Variants in DIAPH3 observed in about 807,000 individuals in gnomAD.
DIAPH3 encodes the protein protein diaphanous homolog 3.
A neutral mutation model predicts 144.3 loss-of-function variants in DIAPH3; 117 were observed. The observed-to-expected ratio is 0.81, with a 90% CI of 0.70 to 0.95. DIAPH3 has a LOEUF of 0.95. Among genes scored for constraint, DIAPH3 ranks in the 40% least tolerant of loss-of-function variants. The probability of loss-of-function intolerance (pLI) is 0.00; values close to 1 mark genes in which losing one functional copy is unlikely to be tolerated. For missense variants in DIAPH3, 1,421 were observed against 1,412.7 expected, an observed-to-expected ratio of 1.01 and a Z score of -0.09; for synonymous variants, 519 against 488.9, an observed-to-expected ratio of 1.06 and a Z score of -0.81.
At chr13:59,782,729 G>T (rs1398451096) in intron 25 of DIAPH3, among the ~76,000 whole-genome samples, 1 of 152,146 alleles carries the variant, frequency 6.6e-6, no homozygotes, top group Admixed American at 6.5e-5. Flanking sequence ...GTGGTACAGG[G>T]TGGTGGGCAT....
chr13:59,773,989 C>T, intron 27 of DIAPH3, 200 bp downstream of exon 27: 2 of 546,058 alleles, frequency 3.7e-6, no homozygotes, highest in Non-Finnish European at 6.5e-6. Context: ...GATAGAAGAA[C>T]CTAAGACACA....
chr13:59,724,819 T>C (rs1157883569), intron 27 of DIAPH3, among the ~76,000 whole-genome samples: 1 of 152,226 alleles, frequency 6.6e-6, no homozygotes, highest in Non-Finnish European at 1.5e-5. Context: ...AAGTACTTTG[T>C]TTACTTTAAT....
chr13:60,046,613 C>T (rs1247728503), intron 4 of DIAPH3, among the ~76,000 whole-genome samples: 1 of 152,150 alleles, frequency 6.6e-6, no homozygotes, highest in African/African-American at 2.4e-5. Flanking sequence ...CGAGCAATCC[C>T]ATTACTAGGT....
At chr13:60,009,686 G>T (rs1045839129) in intron 8 of DIAPH3, among the ~76,000 whole-genome samples, 2 of 152,278 alleles carry the variant, frequency 1.3e-5, no homozygotes, top group South Asian at 4.1e-4. Context: ...AGACTGCCAG[G>T]CTGAGGCCGA....
intron 13 of DIAPH3, among the ~76,000 whole-genome samples, chr13:59,982,919 T>C (rs2051112087): frequency 6.6e-6 from 1 of 151,530 alleles, no homozygotes. Context: ...GGAAATAATT[T>C]TAGTATTGAG....
At chr13:60,096,547 T>C (rs1251875356) in intron 3 of DIAPH3, among the ~76,000 whole-genome samples, 1 of 152,250 alleles carries the variant, frequency 6.6e-6, no homozygotes, top group Non-Finnish European at 1.5e-5. Context: ...GCATTATCTC[T>C]AGGTACGTCT....
At position 60,138,123 on chromosome 13, in the gene DIAPH3, C is replaced by T. The variant is rs150634427; in HGVS notation, c.181-5134G>A. Among the ~76,000 whole-genome samples, 785 of 152,238 alleles carry T rather than the reference C, an allele frequency of 5.2e-3. 3 individuals carry two copies. The highest frequency in any genetic ancestry group is 8.8e-3 in the Non-Finnish European group (596 of 68,006). ...CACAATTTTCATAAGCTAGATCCTC[C>T]GGACCAGCTGGTTTTTCCAGGTTTT... On this transcript the variant is annotated intron_variant, in intron 1 of 27. Coordinates refer to ENST00000400324, the MANE Select transcript of DIAPH3 (RefSeq NM_001042517.2).
At chr13:59,841,219 T>A (rs560485760) in intron 22 of DIAPH3, among the ~76,000 whole-genome samples, 1 of 152,132 alleles carries the variant, frequency 6.6e-6, no homozygotes, top group African/African-American at 2.4e-5. Context: ...ATTTCCTCTA[T>A]CATTTTTCAA....
At chr13:60,106,404 A>T (rs539271234) in intron 3 of DIAPH3, among the ~76,000 whole-genome samples, 1 of 152,304 alleles carries the variant, frequency 6.6e-6, no homozygotes, top group Non-Finnish European at 1.5e-5. Context: ...CACATCAGGC[A>T]TAGAGATATA....
intron 27 of DIAPH3, among the ~76,000 whole-genome samples, chr13:59,729,726 T>G (rs908506652): frequency 5.3e-5 from 8 of 152,048 alleles, no homozygotes; most frequent in Non-Finnish European, 1.0e-4. Context: ...TTCCTGGTTA[T>G]GTACTAGATA....
At chr13:59,917,889 C>CA (rs60792156) in intron 18 of DIAPH3, among the ~76,000 whole-genome samples, 3,404 of 18,604 alleles carry the variant, frequency 0.18, 1,085 homozygotes, top group Non-Finnish European at 0.27. Context: ...GACTCTGTCT[C>CA]AAAAAAAAAA....
At chr13:60,148,376 C>A (rs1308516189) in intron 1 of DIAPH3, among the ~76,000 whole-genome samples, 1 of 152,218 alleles carries the variant, frequency 6.6e-6, no homozygotes, top group Admixed American at 6.5e-5. Context: ...CAACTTAATT[C>A]AAATTACACA....
chr13:59,855,877 A>G (rs1257437980), intron 22 of DIAPH3, among the ~76,000 whole-genome samples: 1 of 151,968 alleles, frequency 6.6e-6, no homozygotes, highest in African/African-American at 2.4e-5. Flanking sequence ...GGAGAAATGG[A>G]AAAGAAACAT....
chr13:60,028,502 G>C (rs1393872546), intron 5 of DIAPH3, among the ~76,000 whole-genome samples: 1 of 152,094 alleles, frequency 6.6e-6, no homozygotes, highest in Non-Finnish European at 1.5e-5. Context: ...TCCTCAGTCT[G>C]TGTTTCTGCC....
intron 17 of DIAPH3, among the ~76,000 whole-genome samples, chr13:59,944,337 C>T (rs1394203719): frequency 2.0e-5 from 3 of 152,058 alleles, no homozygotes; most frequent in South Asian, 2.1e-4. Flanking sequence ...TAACAGGGGA[C>T]AAAACTGGAA....
At chr13:59,989,402 T>A (rs947461314) in intron 12 of DIAPH3, among the ~76,000 whole-genome samples, 9 of 151,822 alleles carry the variant, frequency 5.9e-5, no homozygotes, top group Admixed American at 4.6e-4. Flanking sequence ...GAAATTTTTT[T>A]AAAGAAATAT....
rs991669344 is a variant in DIAPH3, at chr13:59,692,893, C to T, written c.3320-26047G>A. Among the ~76,000 whole-genome samples the T allele has an allele frequency of 2.6e-5, 4 of 152,290 alleles. No homozygotes were observed. The East Asian group carries it at 7.7e-4, about 29-fold the overall frequency. The stretch of plus-strand genomic sequence containing the variant: ...TAAAATCTTTCTTCTGACTCCAACT[C>T]TTTCTTTAATCACAGAGCTTACATT... On this transcript the variant is annotated intron_variant, in intron 27 of 27. Transcript: ENST00000400324.
At chr13:59,819,278 C>A (rs1044394218) in intron 24 of DIAPH3, among the ~76,000 whole-genome samples, 2 of 151,884 alleles carry the variant, frequency 1.3e-5, no homozygotes, top group African/African-American at 4.8e-5. Flanking sequence ...GGTTTTCATT[C>A]CCAGGGCAGG....
chr13:59,916,846 C>T (rs1359742182), intron 18 of DIAPH3, among the ~76,000 whole-genome samples: 2 of 152,086 alleles, frequency 1.3e-5, no homozygotes, highest in Non-Finnish European at 2.9e-5. Flanking sequence ...CAAATTCTCA[C>T]TGAAAATTAT....
Sources: gnomAD v4.1 joint callset for allele counts (sites outside exome capture counted in the v4.1 genomes callset) on GRCh38, gnomAD v4.1.1 for gene constraint, MANE v1.5 for transcripts, NCBI Gene and HGNC (gene_info 2026-07-23, HGNC 2026-07-21) for gene names.